Variants in CSF1R observed in about 807,000 individuals in gnomAD.
CSF1R encodes colony stimulating factor 1 receptor.
Under a neutral mutation model 110.0 loss-of-function variants are expected in CSF1R, and 40 were observed. That is an observed-to-expected ratio of 0.36 (90% CI 0.28 to 0.47). The LOEUF (loss-of-function observed/expected upper bound fraction) is 0.47. CSF1R is among the 20% of genes least tolerant of loss of function. CSF1R has a pLI of 0.99. For missense variants in CSF1R, 1,052 were observed against 1,253.0 expected (o/e 0.84, Z 2.42); for synonymous variants, 523 against 503.4 (o/e 1.04, Z -0.52).
intron 1 of CSF1R, among the ~76,000 whole-genome samples, chr5:150,081,537 C>A (rs78036517): frequency 1.3e-5 from 2 of 152,190 alleles, no homozygotes; most frequent in Middle Eastern, 3.4e-3. Flanking sequence ...CTGGTGTGCC[C>A]GCTCCCACCA....
At chr5:150,054,837 A>T (rs957918546) in intron 19 of CSF1R, 83 of 234,088 alleles carry the variant, frequency 3.5e-4, no homozygotes, top group African/African-American at 1.7e-3. Context: ...AAAATTTTTT[A>T]AAAATAGCTG....
chr5:150,063,874 C>A (rs1757641487), intron 10 of CSF1R, among the ~76,000 whole-genome samples: 1 of 152,140 alleles, frequency 6.6e-6, no homozygotes, highest in Non-Finnish European at 1.5e-5. Flanking sequence ...GCTGTGCCTG[C>A]AGCTGGGCTC....
intron 1 of CSF1R, among the ~76,000 whole-genome samples, chr5:150,082,319 C>T (rs1400298507): frequency 1.3e-5 from 2 of 152,356 alleles, no homozygotes; most frequent in Middle Eastern, 3.4e-3. Flanking sequence ...TCCCCCTGCC[C>T]CACCATAGAG....
At chr5:150,070,341 C>A in intron 7 of CSF1R, 39 bp from the exon 8 acceptor site, 1 of 1,604,794 alleles carries the variant, frequency 6.2e-7, no homozygotes, top group Non-Finnish European at 8.5e-7. Flanking sequence ...CACACTTTCC[C>A]CGCCACCTCC....
At chr5:150,077,112 A>T in intron 5 of CSF1R, 164 bp downstream of exon 5, 1 of 835,492 alleles carries the variant, frequency 1.2e-6, no homozygotes. Context: ...GGGTAAGGGA[A>T]AGCTCCTGGA....
rs1457673600 is a variant in CSF1R, at chr5:150,053,474, C to T, written c.*595G>A. ...GCAGAACACCCCCAACTTTTAGCTG[C>T]CACTTGGCTCATTACAGCAGTACCA... On this transcript the variant is annotated 3_prime_UTR_variant, in exon 21 of 21. Coordinates refer to ENST00000675795, the MANE Select transcript of CSF1R (RefSeq NM_001288705.3). The T allele has an allele frequency of 1.3e-5, 3 of 235,402 alleles. No homozygotes were observed. The highest frequency in any genetic ancestry group is 6.6e-5 in the African/African-American group (3 of 45,338). 14.6% of individuals were successfully genotyped at this position (235,402 alleles called of 1,614,324 possible).
chr5:150,069,374 C>T (rs1340912449), intron 9 of CSF1R, among the ~76,000 whole-genome samples: 2 of 152,208 alleles, frequency 1.3e-5, no homozygotes, highest in African/African-American at 2.4e-5. Flanking sequence ...CCGGGGCAGC[C>T]TCTTGCACAG....
intron 12 of CSF1R, 44 bp downstream of exon 12, chr5:150,061,447 T>G (rs765534971): frequency 3.4e-5 from 14 of 410,706 alleles, no homozygotes; most frequent in Non-Finnish European, 4.0e-5. Context: ...ACCCCCAGCA[T>G]CTACCACCCC....
rs1034592507 is a variant in CSF1R at position 150,053,836 on chromosome 5, G to A, written c.*233C>T. ...CCAACACCATGAGAACAGTAGGGGA[G>A]GGGGGGGTGAGGGCTCAGCCCCCAG... On this transcript the variant is annotated 3_prime_UTR_variant, in exon 21 of 21. Coordinates refer to ENST00000675795, the MANE Select transcript of CSF1R (RefSeq NM_001288705.3). 9.6e-6 allele frequency: 5 copies of A among 518,876 alleles called. No individual in the cohort carries two copies. Among genetic ancestry groups the A allele is most frequent in the Non-Finnish European group, 1.7e-5 (5 of 294,164 alleles). The allele number at this position is 518,876 out of a possible 1,614,324, so 32.1% of individuals were successfully genotyped here.
At chr5:150,096,129 C>T (rs1381799253) in intron 1 of CSF1R, among the ~76,000 whole-genome samples, 1 of 152,174 alleles carries the variant, frequency 6.6e-6, no homozygotes, top group African/African-American at 2.4e-5. Flanking sequence ...GTGGCTCATG[C>T]CTGTAATCCC....
At chr5:150,105,037 C>T (rs1301092039) in intron 1 of CSF1R, among the ~76,000 whole-genome samples, 3 of 151,266 alleles carry the variant, frequency 2.0e-5, no homozygotes, top group African/African-American at 7.3e-5. Context: ...CACCACCACG[C>T]CCAGCTAATT....
intron 18 of CSF1R, 63 bp downstream of exon 18, chr5:150,055,963 C>T (rs1757194771): frequency 5.4e-6 from 8 of 1,480,012 alleles, no homozygotes; most frequent in Admixed American, 5.4e-5. Context: ...CAGCTTTGTC[C>T]ACCAGTGGGG....
intron 1 of CSF1R, among the ~76,000 whole-genome samples, chr5:150,106,733 C>T (rs777489353): frequency 6.6e-6 from 1 of 152,172 alleles, no homozygotes. Flanking sequence ...CCTCTTCTCT[C>T]TCCATCCACC....
chr5:150,097,187 G>A (rs1418559586), intron 1 of CSF1R, among the ~76,000 whole-genome samples: 2 of 151,992 alleles, frequency 1.3e-5, no homozygotes, highest in Admixed American at 1.3e-4. Context: ...AGGATGTCTA[G>A]CCTACAATGA....
chr5:150,080,952 C>A lies in CSF1R; in HGVS notation c.122G>T (p.Arg41Leu), dbSNP rs777239066. 1.2e-6 allele frequency: 2 copies of A among 1,614,110 alleles called. No homozygotes were observed. The highest frequency in any genetic ancestry group is 1.7e-6 in the Non-Finnish European group (2 of 1,179,988). The change falls in exon 2 of 21, where the codon CGA (arginine) becomes CTA (leucine). Residue 41 changes from arginine to leucine, a missense_variant. Coordinates refer to ENST00000675795, the MANE Select transcript of CSF1R (RefSeq NM_001288705.3). ...TTCCACGCTGCCATTGCCCACACAT[C>A]GCAAGGTCACCGTTGCTCCTGGCTT... ...VVKPGATVTL[R>L]CVGNGSVEWD...
chr5:150,054,498 C>G (rs907458035), intron 19 of CSF1R, 68 bp from the exon 20 acceptor site: 1 of 1,306,016 alleles, frequency 7.7e-7, no homozygotes, highest in African/African-American at 1.5e-5. Context: ...ACACACACCC[C>G]TAGAGAGACC....
chr5:150,076,273 T>C (rs1302961805), intron 5 of CSF1R, among the ~76,000 whole-genome samples: 1 of 152,220 alleles, frequency 6.6e-6, no homozygotes, highest in Non-Finnish European at 1.5e-5. Context: ...TATCTCCTGG[T>C]GCACACTTGG....
At chr5:150,062,357 C>A (rs1215998094) in intron 10 of CSF1R, among the ~76,000 whole-genome samples, 1 of 146,664 alleles carries the variant, frequency 6.8e-6, no homozygotes, top group Non-Finnish European at 1.5e-5. Flanking sequence ...CTACCTTGTG[C>A]AACCAGTTTC....
intron 2 of CSF1R, among the ~76,000 whole-genome samples, 198 bp from the exon 3 acceptor site, chr5:150,080,534 T>C (rs1205658187): frequency 6.6e-6 from 1 of 152,192 alleles, no homozygotes; most frequent in African/African-American, 2.4e-5. Context: ...TCCCACTATG[T>C]GAGGCTGTGT....
Sources: gnomAD v4.1 joint callset for allele counts (sites outside exome capture counted in the v4.1 genomes callset) on GRCh38, gnomAD v4.1.1 for gene constraint, MANE v1.5 for transcripts, NCBI Gene and HGNC (gene_info 2026-07-23, HGNC 2026-07-21) for gene names.